NCK2: variants seen among roughly 807,000 people sequenced by gnomAD.
NCK2 encodes NCK adaptor protein 2.
A neutral mutation model predicts 33.9 loss-of-function variants in NCK2; 16 were observed. That is an observed-to-expected ratio of 0.47 (90% CI 0.32 to 0.72). NCK2 has a LOEUF of 0.72. Among genes scored for constraint, NCK2 ranks in the 30% least tolerant of loss-of-function variants. NCK2 has a pLI of 0.03. For missense variants in NCK2, 418 were observed against 537.3 expected (o/e 0.78, Z 2.19); for synonymous variants, 273 against 239.9 (o/e 1.14, Z -1.27).
chr2:105,877,268 C>G (rs1678279399), intron 3 of NCK2, among the ~76,000 whole-genome samples: 1 of 152,152 alleles, frequency 6.6e-6, no homozygotes, highest in Non-Finnish European at 1.5e-5. Context: ...GCTCTGGTAT[C>G]CTTAGCAGTC....
chr2:105,755,334 T>G (rs1689569920), intron 1 of NCK2, among the ~76,000 whole-genome samples: 1 of 152,106 alleles, frequency 6.6e-6, no homozygotes, highest in African/African-American at 2.4e-5. Context: ...TTTTGAAGCT[T>G]TGCTGGGTAG....
At position 105,855,040 on chromosome 2, in the gene NCK2, G is replaced by C; in HGVS notation, c.-16-8G>C. 1.2e-6 allele frequency: 2 copies of C among 1,602,194 alleles called. No homozygotes were observed. The highest frequency in any genetic ancestry group is 1.7e-6 in the Non-Finnish European group (2 of 1,169,202). On this transcript the variant is annotated splice_region_variant and splice_polypyrimidine_tract_variant and intron_variant, in intron 2 of 4. Coordinates refer to ENST00000233154, the MANE Select transcript of NCK2 (RefSeq NM_003581.5). ...TCTAATGAGCATCTCCAAATGTTTT[G>C]CTGGCAGAAGGACTCCATGAAAGAT... is the stretch of plus-strand genomic sequence containing the variant.
chr2:105,881,622 C>T lies in NCK2; in HGVS notation c.521C>T (p.Ala174Val), dbSNP rs765106638. ...TTGGAGGAGGTGGACGAGGCGGCTG[C>T]GGAGTCCCCAAGCTTCCTGAGCCTG... ...YVLEEVDEAA[A>V]ESPSFLSLRK... Residue 174 changes from alanine (A) to valine (V), a missense_variant, in exon 4 of 5, where the codon GCG (alanine) becomes GTG (valine). Coordinates refer to ENST00000233154, the MANE Select transcript of NCK2 (RefSeq NM_003581.5). The T allele has an allele frequency of 1.9e-6, 3 of 1,613,542 alleles. No homozygotes were observed. The highest frequency in any genetic ancestry group is 1.7e-6 in the Non-Finnish European group (2 of 1,179,868).
At chr2:105,882,200 C>G in intron 4 of NCK2, 151 bp downstream of exon 4, 2 of 958,802 alleles carry the variant, frequency 2.1e-6, no homozygotes, top group East Asian at 3.3e-5. Context: ...TTTGCTACTC[C>G]GTGATTTACT....
At chr2:105,785,825 A>G (rs113066308) in intron 1 of NCK2, among the ~76,000 whole-genome samples, 63 of 152,308 alleles carry the variant, frequency 4.1e-4, no homozygotes, top group African/African-American at 1.3e-3. Context: ...TGCTGAGTCT[A>G]TTTATTTAGC....
intron 1 of NCK2, among the ~76,000 whole-genome samples, chr2:105,785,175 T>TAGTAGA (rs1690633620): frequency 6.6e-6 from 1 of 152,178 alleles, no homozygotes; most frequent in African/African-American, 2.4e-5. Context: ...AGACAGGATT[T>TAGTAGA]CACTGTGTTA....
chr2:105,869,789 G>A (rs1480125912), intron 3 of NCK2, among the ~76,000 whole-genome samples: 1 of 151,984 alleles, frequency 6.6e-6, no homozygotes. Flanking sequence ...TGTGTTGAGA[G>A]GTACTAAATA....
chr2:105,747,359 T>A (rs1448851366), intron 1 of NCK2, among the ~76,000 whole-genome samples: 1 of 152,198 alleles, frequency 6.6e-6, no homozygotes, highest in Non-Finnish European at 1.5e-5. Context: ...TAAAATACCC[T>A]AAGACTCCCG....
chr2:105,775,809 G>A (rs1448338593), intron 1 of NCK2, among the ~76,000 whole-genome samples: 2 of 152,202 alleles, frequency 1.3e-5, no homozygotes, highest in East Asian at 3.9e-4. Flanking sequence ...CTTTTAATGT[G>A]TATTTGTGTT....
At chr2:105,813,423 C>T (rs1351426705) in intron 1 of NCK2, among the ~76,000 whole-genome samples, 1 of 152,238 alleles carries the variant, frequency 6.6e-6, no homozygotes, top group Non-Finnish European at 1.5e-5. Context: ...CAGCCTTGGG[C>T]TGTCATCAGA....
At chr2:105,801,352 G>A (rs1280406969) in intron 1 of NCK2, among the ~76,000 whole-genome samples, 3 of 151,904 alleles carry the variant, frequency 2.0e-5, no homozygotes. Flanking sequence ...CAGCTCACTC[G>A]GCTTGCCTCC....
chr2:105,880,037 A>G (rs1157467170), intron 3 of NCK2, among the ~76,000 whole-genome samples: 1 of 152,210 alleles, frequency 6.6e-6, no homozygotes, highest in Non-Finnish European at 1.5e-5. Context: ...TGGGGCTGAC[A>G]TGCTTTCCTC....
intron 3 of NCK2, among the ~76,000 whole-genome samples, chr2:105,864,085 G>C (rs1401267398): frequency 6.6e-6 from 1 of 152,114 alleles, no homozygotes; most frequent in Non-Finnish European, 1.5e-5. Context: ...GTGAGCAAGA[G>C]GGCTGGGGCA....
chr2:105,744,603 A>G (rs1689195068), upstream of NCK2, among the ~76,000 whole-genome samples: 3 of 151,500 alleles, frequency 2.0e-5, no homozygotes, highest in Non-Finnish European at 3.0e-5. Context: ...GGGCGTGGGG[A>G]CCCTTTCCTG....
chr2:105,890,343 T>G (rs968010072), intron 4 of NCK2, among the ~76,000 whole-genome samples: 5 of 152,220 alleles, frequency 3.3e-5, no homozygotes, highest in Non-Finnish European at 5.9e-5. Context: ...GGGTGTATCT[T>G]ACATCTACCA....
intron 3 of NCK2, among the ~76,000 whole-genome samples, chr2:105,871,484 A>G (rs924947116): frequency 1.3e-5 from 2 of 151,706 alleles, no homozygotes; most frequent in Non-Finnish European, 1.5e-5. Context: ...TTTGAAAAAG[A>G]TAATGGTTTT....
At chr2:105,872,640 C>A (rs143140463) in intron 3 of NCK2, among the ~76,000 whole-genome samples, 1 of 152,202 alleles carries the variant, frequency 6.6e-6, no homozygotes, top group South Asian at 2.1e-4. Context: ...GAGCAAAGAA[C>A]CCTTCTTGAG....
intron 1 of NCK2, among the ~76,000 whole-genome samples, chr2:105,811,729 A>G (rs1286117953): frequency 6.6e-6 from 1 of 152,158 alleles, no homozygotes; most frequent in Non-Finnish European, 1.5e-5. Flanking sequence ...TCTCCTGTCC[A>G]GCCCGCTGCC....
At chr2:105,805,663 T>C (rs1285828975) in intron 1 of NCK2, among the ~76,000 whole-genome samples, 1 of 152,218 alleles carries the variant, frequency 6.6e-6, no homozygotes, top group Non-Finnish European at 1.5e-5. Flanking sequence ...ATTTGACTTC[T>C]TTAGATTCCA....
Sources: gnomAD v4.1 joint callset for allele counts (sites outside exome capture counted in the v4.1 genomes callset) on GRCh38, gnomAD v4.1.1 for gene constraint, MANE v1.5 for transcripts, NCBI Gene and HGNC (gene_info 2026-07-23, HGNC 2026-07-21) for gene names.